The following HKDC1 variants were observed in gnomAD, a reference collection of about 807,000 sequenced individuals.
HKDC1 encodes the protein hexokinase domain containing 1, also known as hexokinase HKDC1.
In HKDC1, 66 loss-of-function variants were observed where a neutral mutation model predicts 96.6. The observed-to-expected ratio is 0.68, with a 90% CI of 0.56 to 0.84. The LOEUF is 0.84. Among genes scored for constraint, HKDC1 ranks in the 40% least tolerant of loss-of-function variants. The pLI, the probability that HKDC1 is intolerant of heterozygous loss-of-function variation, is 0.00. For missense variants in HKDC1, 1,211 were observed against 1,208.1 expected, an observed-to-expected ratio of 1.00 and a Z score of -0.04; for synonymous variants, 466 against 473.1, an observed-to-expected ratio of 0.98 and a Z score of 0.20.
chr10:69,254,276 G>T (rs1458947198), intron 12 of HKDC1, among the ~76,000 whole-genome samples: 1 of 152,090 alleles, frequency 6.6e-6, no homozygotes, highest in Non-Finnish European at 1.5e-5. Flanking sequence ...CTGCACTCCA[G>T]CCTGGGCGAC....
At position 69,243,292 on chromosome 10, in the gene HKDC1, G is replaced by A. The variant is rs751701291; in HGVS notation, c.802G>A (p.Gly268Arg). ...AGAGTGGGGGGCCTTCGGGGACGAC[G>A]GGGCCCTGGAGGACATTCGCACTGA... is the stretch of plus-strand genomic sequence containing the variant. ...NTEWGAFGDD[G>R]ALEDIRTEFD... Residue 268 changes from glycine to arginine, a missense_variant, in exon 7 of 18, where the codon GGG becomes AGG. Physicochemically the swap from Gly to Arg is moderately radical, Grantham distance 125. Transcript: ENST00000354624. 2.5e-6 allele frequency: 4 copies of A among 1,613,702 alleles called. No individual in the cohort carries two copies. The highest frequency in any genetic ancestry group is 2.2e-5 in the East Asian group (1 of 44,878).
chr10:69,234,052 G>A (rs1843322521), intron 4 of HKDC1, among the ~76,000 whole-genome samples: 1 of 152,094 alleles, frequency 6.6e-6, no homozygotes, highest in Non-Finnish European at 1.5e-5. Flanking sequence ...GTAAGCAGGA[G>A]GAAGCTAACC....
At chr10:69,238,910 TA>T (rs1345093322) in intron 4 of HKDC1, 131 bp from the exon 5 acceptor site, 3 of 568,292 alleles carry the variant, frequency 5.3e-6, no homozygotes, top group Admixed American at 6.1e-5. Flanking sequence ...AGCAATGTTT[TA>T]AAAAAATTGG....
Position 69,257,373 on chromosome 10 carries a change from C to T in HKDC1, c.1979C>T (p.Thr660Ile). Residue 660 changes from threonine to isoleucine, a missense_variant, in exon 14 of 18, where the codon ACC (threonine) becomes ATC (isoleucine). Coordinates refer to ENST00000354624, the MANE Select transcript of HKDC1 (RefSeq NM_025130.4). Reference sequence around the variant, plus strand: ...GCAGTCGTGAATGATACAGTGGGGACCATGATGACCTGTGGCTATGAAGAT... The same window carrying T: ...GCAGTCGTGAATGATACAGTGGGGATCATGATGACCTGTGGCTATGAAGAT... ...IVAVVNDTVG[T>I]MMTCGYEDPN... The T allele has an allele frequency of 6.2e-7, 1 of 1,614,016 alleles. No homozygotes were observed. Among genetic ancestry groups the T allele is most frequent in the Non-Finnish European group, 8.5e-7 (1 of 1,179,922 alleles).
At chr10:69,222,495 C>T (rs1843082323) in intron 1 of HKDC1, among the ~76,000 whole-genome samples, 1 of 152,226 alleles carries the variant, frequency 6.6e-6, no homozygotes, top group South Asian at 2.1e-4. Flanking sequence ...AAGGGGGAGC[C>T]TTTGGAACCC....
intron 4 of HKDC1, among the ~76,000 whole-genome samples, chr10:69,236,751 G>T (rs1232246565): frequency 2.7e-5 from 4 of 149,998 alleles, no homozygotes; most frequent in Non-Finnish European, 5.9e-5. Context: ...CTGCACTCCA[G>T]CCTGGGCAAC....
intron 2 of HKDC1, 89 bp from the exon 3 acceptor site, chr10:69,232,675 C>A: frequency 8.3e-7 from 1 of 1,200,086 alleles, no homozygotes. Flanking sequence ...GATTTGAAGA[C>A]GTTGATTATA....
intron 8 of HKDC1, 79 bp downstream of exon 8, chr10:69,246,313 C>G: frequency 6.7e-7 from 1 of 1,488,600 alleles, no homozygotes; most frequent in East Asian, 2.3e-5. Flanking sequence ...TGTGGTAGGA[C>G]AGCAGGAGGG....
At chr10:69,239,282 C>A in intron 5 of HKDC1, 145 bp downstream of exon 5, 1 of 601,352 alleles carries the variant, frequency 1.7e-6, no homozygotes, top group Admixed American at 2.9e-5. Context: ...TAGAAAAGGT[C>A]CCACTGTAGT....
intron 14 of HKDC1, 102 bp from the exon 15 acceptor site, chr10:69,258,674 G>A: frequency 8.4e-7 from 1 of 1,184,548 alleles, no homozygotes; most frequent in Non-Finnish European, 1.3e-6. Flanking sequence ...GCATCCAGTT[G>A]TATCTGACTC....
In HKDC1 at chr10:69,227,344, C is replaced by T. The variant is rs1257660580; in HGVS notation, c.201C>T (p.Phe67=). Residue 67 remains phenylalanine (F), a synonymous_variant, in exon 2 of 18, where the codon TTC becomes TTT. Transcript: ENST00000354624. ...CTGCAGTGAAGATGTTGCCCACCTTCGTCAGGGCCATTCCCGATGGTTCCG... is the reference window on the plus strand; with the variant it reads ...CTGCAGTGAAGATGTTGCCCACCTTTGTCAGGGCCATTCCCGATGGTTCCG... ...PTAAVKMLPT[F]VRAIPDGSEN... The T allele has an allele frequency of 1.1e-5, 18 of 1,614,094 alleles. No homozygotes were observed. The highest frequency in any genetic ancestry group is 1.6e-4 in the Middle Eastern group (1 of 6,084).
At chr10:69,243,061 C>T in intron 6 of HKDC1, 121 bp from the exon 7 acceptor site, 1 of 964,454 alleles carries the variant, frequency 1.0e-6, no homozygotes, top group Admixed American at 2.1e-5. Context: ...GAGAGCCAGC[C>T]CCCAGGGAAT....
At chr10:69,249,052 G>A (rs1843593880) in intron 10 of HKDC1, 1 of 217,882 alleles carries the variant, frequency 4.6e-6, no homozygotes, top group African/African-American at 2.3e-5. Context: ...TGTTTTAGAT[G>A]CCTGAGATTG....
chr10:69,247,305 G>A, intron 8 of HKDC1, 55 bp from the exon 9 acceptor site: 1 of 1,200,246 alleles, frequency 8.3e-7, no homozygotes, highest in South Asian at 1.2e-5. Flanking sequence ...GTTCCCCCAG[G>A]AGGATACCAG....
intron 16 of HKDC1, chr10:69,265,340 G>A (rs1843878173): frequency 1.9e-6 from 1 of 518,670 alleles, no homozygotes; most frequent in Non-Finnish European, 3.4e-6. Flanking sequence ...TGAGATCACA[G>A]ATATGAACAT....
At position 69,248,733 on chromosome 10, in the gene HKDC1, G is replaced by T; in HGVS notation, c.1570+5G>T. The T allele has an allele frequency of 6.3e-7, 1 of 1,591,250 alleles. No individual in the cohort carries two copies. ...GCGGGCTGCCGGACGGCACAGGTGG[G>T]CCAGCACAGCCTCCCTCTCTGAACA... On this transcript the variant is annotated splice_donor_5th_base_variant and intron_variant, in intron 10 of 17. Coordinates refer to ENST00000354624, the MANE Select transcript of HKDC1 (RefSeq NM_025130.4).
At chr10:69,255,387 A>G (rs11813849) in intron 12 of HKDC1, among the ~76,000 whole-genome samples, 4,511 of 152,234 alleles carry the variant, frequency 0.03, 201 homozygotes, top group African/African-American at 0.1. Context: ...GGAAGGAGGG[A>G]GACTGGGGCT....
intron 14 of HKDC1, among the ~76,000 whole-genome samples, chr10:69,258,323 T>G (rs1402322871): frequency 6.6e-6 from 1 of 152,140 alleles, no homozygotes; most frequent in East Asian, 1.9e-4. Context: ...TGAGGCCAAG[T>G]CATGGGCAAG....
intron 16 of HKDC1, 24 bp from the exon 17 acceptor site, chr10:69,265,561 G>A: frequency 6.2e-7 from 1 of 1,601,422 alleles, no homozygotes; most frequent in Non-Finnish European, 8.6e-7. Flanking sequence ...AGCAGGTCCT[G>A]ACTCCCTGCT....
Sources: allele counts gnomAD v4.1 joint callset (sites outside exome capture counted in the v4.1 genomes callset), GRCh38; gene constraint gnomAD v4.1.1; transcripts MANE v1.5; gene names NCBI Gene and HGNC (gene_info 2026-07-23, HGNC 2026-07-21).